WWOX: variants seen among roughly 807,000 people sequenced by gnomAD.
WWOX encodes WW domain-containing oxidoreductase.
A neutral mutation model predicts 46.2 loss-of-function variants in WWOX; 69 were observed. The ratio of observed to expected loss-of-function variants is 1.49; its 90% CI spans 1.23 to 1.82. The LOEUF is 1.82. Ranked by LOEUF, WWOX falls within the 40% of genes most tolerant of loss-of-function variation. WWOX has a pLI of 0.00. For synonymous variants in WWOX, 359 were observed against 202.6 expected (o/e 1.77, Z -6.56); for missense variants, 919 against 542.6 (o/e 1.69, Z -6.89).
At chr16:78,582,864 A>T (rs747823470) in intron 8 of WWOX, among the ~76,000 whole-genome samples, 31 of 152,276 alleles carry the variant, frequency 2.0e-4, no homozygotes, top group Admixed American at 6.5e-4. Context: ...CCTTCTAGTG[A>T]TGTACCGGGA....
chr16:78,288,916 A>G (rs1215609690), intron 5 of WWOX, among the ~76,000 whole-genome samples: 2 of 152,220 alleles, frequency 1.3e-5, no homozygotes, highest in African/African-American at 4.8e-5. Context: ...GGGCAGAAGA[A>G]CAACAACAAA....
chr16:78,997,080 A>G lies in WWOX; in HGVS notation c.1057-214528A>G, dbSNP rs185781910. Among the ~76,000 whole-genome samples, 279 of 152,204 alleles carry G rather than the reference A, an allele frequency of 1.8e-3. 1 individual carries two copies. The highest frequency in any genetic ancestry group is 6.5e-3 in the African/African-American group (268 of 41,516). On this transcript the variant is annotated intron_variant, in intron 8 of 8. Coordinates refer to ENST00000566780, the MANE Select transcript of WWOX (RefSeq NM_016373.4). The stretch of plus-strand genomic sequence containing the variant: ...GGCTGTCAGATTCCAAAGGCATCAT[A>G]CCATCTGCTTTTCCAATCTTCTGCT...
chr16:78,426,766 C>G lies in WWOX; in HGVS notation c.791+1711C>G, dbSNP rs111550461. ...ACAACTTCAGACTCCCAGGGTTAAG[C>G]GATTCTCCTGCCTCAGCCTTCCAAG... On this transcript the variant is annotated intron_variant, in intron 7 of 8. Transcript: ENST00000566780. Among the ~76,000 whole-genome samples, 1,268 of 152,238 alleles carry G rather than the reference C, an allele frequency of 8.3e-3. 15 individuals carry two copies. Among genetic ancestry groups the G allele is most frequent in the African/African-American group, 0.028 (1,183 of 41,524 alleles).
At chr16:79,091,581 A>G (rs931359890) in intron 8 of WWOX, among the ~76,000 whole-genome samples, 9 of 152,084 alleles carry the variant, frequency 5.9e-5, no homozygotes, top group Admixed American at 5.2e-4. Flanking sequence ...ACACCCCAGA[A>G]CAATCTGGGG....
intron 8 of WWOX, among the ~76,000 whole-genome samples, chr16:79,126,641 CA>C (rs1166565361): frequency 6.6e-6 from 1 of 152,160 alleles, no homozygotes; most frequent in Non-Finnish European, 1.5e-5. Context: ...TACCCAGTCT[CA>C]GGTATTTCTG....
chr16:78,847,637 A>G (rs1249713968), intron 8 of WWOX, among the ~76,000 whole-genome samples: 2 of 152,006 alleles, frequency 1.3e-5, no homozygotes, highest in Admixed American at 6.6e-5. Context: ...TCTAGCCACA[A>G]CTGAGTTCAT....
At chr16:79,129,048 A>G (rs2049820593) in intron 8 of WWOX, among the ~76,000 whole-genome samples, 1 of 152,144 alleles carries the variant, frequency 6.6e-6, no homozygotes, top group Non-Finnish European at 1.5e-5. Flanking sequence ...CCTGACACAG[A>G]ACTCTGTTTC....
At chr16:78,591,873 C>A (rs1354587884) in intron 8 of WWOX, among the ~76,000 whole-genome samples, 1 of 152,200 alleles carries the variant, frequency 6.6e-6, no homozygotes, top group South Asian at 2.1e-4. Flanking sequence ...CTGTGAGCTA[C>A]CACCACTGCC....
At chr16:78,723,449 A>G (rs552601471) in intron 8 of WWOX, among the ~76,000 whole-genome samples, 1 of 131,858 alleles carries the variant, frequency 7.6e-6, no homozygotes, top group South Asian at 2.7e-4. Flanking sequence ...CTGAAGCCAC[A>G]ACAGAAGTCT....
chr16:79,182,067 C>T (rs571893347), intron 8 of WWOX, among the ~76,000 whole-genome samples: 85 of 151,064 alleles, frequency 5.6e-4, no homozygotes, highest in African/African-American at 1.9e-3. Context: ...AACCTTCCAA[C>T]ATCCCCACCC....
chr16:78,101,633 T>G (rs887262561), intron 1 of WWOX, among the ~76,000 whole-genome samples: 5 of 152,106 alleles, frequency 3.3e-5, no homozygotes, highest in Non-Finnish European at 5.9e-5. Context: ...AATTTCTGAT[T>G]TAATTGGTTT....
At chr16:78,441,804 C>G (rs2083450372) in intron 8 of WWOX, among the ~76,000 whole-genome samples, 1 of 152,002 alleles carries the variant, frequency 6.6e-6, no homozygotes, top group Non-Finnish European at 1.5e-5. Flanking sequence ...ATGTTAACTA[C>G]TATTGTTATT....
At chr16:78,828,575 G>A (rs910195686) in intron 8 of WWOX, among the ~76,000 whole-genome samples, 1 of 151,530 alleles carries the variant, frequency 6.6e-6, no homozygotes, top group Middle Eastern at 3.2e-3. Context: ...CATTTATTAA[G>A]GTCCTACTAT....
At chr16:78,412,334 A>G (rs1567556912) in intron 6 of WWOX, among the ~76,000 whole-genome samples, 5 of 152,118 alleles carry the variant, frequency 3.3e-5, no homozygotes, top group Admixed American at 3.3e-4. Flanking sequence ...AGGCATGTTG[A>G]CCCTGAATTT....
At chr16:78,578,085 C>G (rs1055760878) in intron 8 of WWOX, among the ~76,000 whole-genome samples, 1 of 151,252 alleles carries the variant, frequency 6.6e-6, no homozygotes, top group Admixed American at 6.6e-5. Context: ...CACCTGCTTC[C>G]GAAAGTACTT....
chr16:79,096,222 G>A lies in WWOX; in HGVS notation c.1057-115386G>A, dbSNP rs149302973. ...ACCCAGCCATGTTGGGACCCTTTCAGTTCTTTCTCCACGGAGAACCAGAAT... is the reference window on the plus strand; with the variant it reads ...ACCCAGCCATGTTGGGACCCTTTCAATTCTTTCTCCACGGAGAACCAGAAT... On this transcript the variant is annotated intron_variant, in intron 8 of 8. Transcript: ENST00000566780. Among the ~76,000 whole-genome samples, 94 of 152,026 alleles carry A rather than the reference G, an allele frequency of 6.2e-4. No individual in the cohort carries two copies. In the East Asian group the frequency reaches 0.016, roughly 26 times the overall value.
intron 8 of WWOX, among the ~76,000 whole-genome samples, chr16:78,775,169 C>T (rs1472326156): frequency 6.6e-6 from 1 of 152,148 alleles, no homozygotes; most frequent in Non-Finnish European, 1.5e-5. Context: ...TTCCTTTTGC[C>T]TGCCTGGCTC....
intron 8 of WWOX, among the ~76,000 whole-genome samples, chr16:78,482,230 C>G (rs929738980): frequency 6.6e-6 from 1 of 152,054 alleles, no homozygotes; most frequent in Non-Finnish European, 1.5e-5. Context: ...TCAAATAACT[C>G]CATAATTTTT....
chr16:78,272,073 C>T (rs574777028), intron 5 of WWOX, among the ~76,000 whole-genome samples: 1 of 152,308 alleles, frequency 6.6e-6, no homozygotes, highest in East Asian at 1.9e-4. Flanking sequence ...TTATGTATAG[C>T]CGCATAATAC....
Sources: gnomAD v4.1 joint callset for allele counts (sites outside exome capture counted in the v4.1 genomes callset) on GRCh38, gnomAD v4.1.1 for gene constraint, MANE v1.5 for transcripts, NCBI Gene and HGNC (gene_info 2026-07-23, HGNC 2026-07-21) for gene names.